CASTOR2: variants seen among roughly 807,000 people sequenced by gnomAD.
The protein encoded by CASTOR2 is GATS protein like 2.
In CASTOR2, 8 loss-of-function variants were observed where a neutral mutation model predicts 31.2. That is an observed-to-expected ratio of 0.26 (90% CI 0.15 to 0.46). CASTOR2 has a LOEUF of 0.46. Among genes scored for constraint, CASTOR2 ranks in the 20% least tolerant of loss-of-function variants. The pLI, the probability that CASTOR2 is intolerant of heterozygous loss-of-function variation, is 0.99. For synonymous variants in CASTOR2, 162 were observed against 158.7 expected (o/e 1.02, Z -0.16); for missense variants, 216 against 382.1 (o/e 0.57, Z 3.62).
intron 3 of CASTOR2, 44 bp downstream of exon 3, chr7:75,017,835 C>T: frequency 6.2e-7 from 1 of 1,613,966 alleles, no homozygotes; most frequent in East Asian, 2.2e-5. Flanking sequence ...TCATGCCCGC[C>T]TCTGACACAC....
At chr7:74,977,840 A>G (rs1803857665) in intron 1 of CASTOR2, among the ~76,000 whole-genome samples, 1 of 149,654 alleles carries the variant, frequency 6.7e-6, no homozygotes, top group Admixed American at 6.7e-5. Context: ...CACTACACCC[A>G]GATAATTTTT....
In CASTOR2 at chr7:75,017,839, GAC is replaced by G. The variant is rs1333150167; in HGVS notation, c.378+53_378+54del. 1.2e-4 allele frequency: 192 copies of G among 1,613,784 alleles called. 1 individual carries two copies. Among genetic ancestry groups the G allele is most frequent in the Middle Eastern group, 1.7e-4 (1 of 6,046 alleles). On this transcript the variant is annotated intron_variant, in intron 3 of 8. Transcript: ENST00000616305. ...GCCTTGCACACTCATGCCCGCCTCT[GAC>G]ACACTCACTCCCATCTCCCACCCCT...
chr7:75,014,635 G>A (rs1309827853), intron 2 of CASTOR2, among the ~76,000 whole-genome samples: 8 of 152,106 alleles, frequency 5.3e-5, no homozygotes, highest in Non-Finnish European at 8.8e-5. Context: ...TTCCCAGGCT[G>A]AGGCCGTGAG....
intron 1 of CASTOR2, among the ~76,000 whole-genome samples, chr7:75,003,779 G>A (rs1804549332): frequency 6.6e-6 from 1 of 151,762 alleles, no homozygotes; most frequent in South Asian, 2.1e-4. Context: ...CAACAACAAG[G>A]AGGTCAAGGA....
chr7:75,000,056 G>A (rs1320052699), intron 1 of CASTOR2, among the ~76,000 whole-genome samples: 3 of 152,122 alleles, frequency 2.0e-5, no homozygotes, highest in South Asian at 2.1e-4. Flanking sequence ...GCAAGACCCC[G>A]TCTCCACAAA....
At chr7:75,019,889 C>G (rs1450139618) in intron 5 of CASTOR2, 150 bp from the exon 6 acceptor site, 1 of 689,624 alleles carries the variant, frequency 1.5e-6, no homozygotes, top group African/African-American at 1.8e-5. Flanking sequence ...GAAATCATCC[C>G]CGTGGCATAG....
chr7:75,018,905 C>T lies in CASTOR2; in HGVS notation c.512-67C>T, dbSNP rs1236754594. 19 of 1,551,398 alleles carry T rather than the reference C, an allele frequency of 1.2e-5. No homozygotes were observed. The East Asian group carries it at 2.0e-4, about 16-fold the overall frequency. On this transcript the variant is annotated intron_variant, in intron 4 of 8. Coordinates refer to ENST00000616305, the MANE Select transcript of CASTOR2 (RefSeq NM_001145064.3). The stretch of plus-strand genomic sequence containing the variant: ...GCCCTCCCCAGCCCTCTTCCCAGGC[C>T]CTGCACCCACCAGAGCTGCTGCTTT...
intron 1 of CASTOR2, among the ~76,000 whole-genome samples, chr7:75,002,888 G>T (rs1804528065): frequency 6.6e-6 from 1 of 151,952 alleles, no homozygotes; most frequent in Admixed American, 6.6e-5. Context: ...AGGAGTTCAA[G>T]ACCCGCCTGG....
At chr7:74,983,327 TC>T (rs1412028314) in intron 1 of CASTOR2, among the ~76,000 whole-genome samples, 18 of 151,376 alleles carry the variant, frequency 1.2e-4, no homozygotes, top group African/African-American at 4.2e-4. Flanking sequence ...TCTTTCTTCT[TC>T]TTTTTTTTTT....
At position 75,018,078 on chromosome 7, in the gene CASTOR2, C is replaced by T. The variant is rs1804908578; in HGVS notation, c.467C>T (p.Ala156Val). Reference sequence around the variant, plus strand: ...GTCGTCAATGGCGAGACCGTGGCAGCCGAGAACCTCGGCATCACCAATGGC... The same window carrying T: ...GTCGTCAATGGCGAGACCGTGGCAGTCGAGAACCTCGGCATCACCAATGGC... ...LRVVNGETVA[A>V]ENLGITNGFV... The change falls in exon 4 of 9, where the codon GCC becomes GTC. Residue 156 changes from alanine to valine, a missense_variant. By Grantham distance (64) the Ala-to-Val change is moderately conservative. Transcript: ENST00000616305. 1 of 1,614,048 alleles carries T rather than the reference C, an allele frequency of 6.2e-7. No homozygotes were observed. Among genetic ancestry groups the T allele is most frequent in the Non-Finnish European group, 8.5e-7 (1 of 1,180,000 alleles).
chr7:74,984,834 G>C (rs1392814264), intron 1 of CASTOR2, among the ~76,000 whole-genome samples: 1 of 152,128 alleles, frequency 6.6e-6, no homozygotes, highest in Non-Finnish European at 1.5e-5. Context: ...GGACTCAGAA[G>C]TCTGATTTAA....
At chr7:75,007,644 C>T (rs1300106244) in intron 1 of CASTOR2, among the ~76,000 whole-genome samples, 9 of 152,090 alleles carry the variant, frequency 5.9e-5, no homozygotes, top group African/African-American at 1.9e-4. Context: ...AAAGACAGCT[C>T]CTCTGCCTGA....
chr7:75,011,936 C>T (rs1282236199), intron 2 of CASTOR2, among the ~76,000 whole-genome samples: 1 of 151,128 alleles, frequency 6.6e-6, no homozygotes, highest in Admixed American at 6.6e-5. Flanking sequence ...CATTGCACTC[C>T]AGCCTGGGGG....
rs958471806 is a variant in CASTOR2 at position 75,028,064 on chromosome 7, C to A, written c.*3365C>A. The A allele has an allele frequency of 2.0e-6, 3 of 1,531,696 alleles. No individual in the cohort carries two copies. The highest frequency in any genetic ancestry group is 2.6e-6 in the Non-Finnish European group (3 of 1,145,882). The allele number at this position is 1,531,696 out of a possible 1,614,324, so 94.9% of individuals were successfully genotyped here. On this transcript the variant is annotated 3_prime_UTR_variant, in exon 9 of 9. Coordinates refer to ENST00000616305, the MANE Select transcript of CASTOR2 (RefSeq NM_001145064.3). The stretch of plus-strand genomic sequence containing the variant: ...AGTGGGCCTGTTGTCTTGGCGCTGG[C>A]GGATGGGGCAGGTGCCTGGCGGGGG...
intron 2 of CASTOR2, 72 bp downstream of exon 2, chr7:75,008,136 T>C: frequency 2.0e-6 from 3 of 1,487,644 alleles, no homozygotes; most frequent in Non-Finnish European, 2.7e-6. Flanking sequence ...CACCTCCTTA[T>C]TTCTGTCCCC....
intron 3 of CASTOR2, 88 bp downstream of exon 3, chr7:75,017,879 C>G (rs587734342): frequency 6.2e-7 from 1 of 1,613,798 alleles, no homozygotes; most frequent in South Asian, 1.1e-5. Flanking sequence ...CAGCCTTGCC[C>G]TTCCACGCTA....
In CASTOR2 at chr7:75,017,965, C is replaced by A. The variant is rs1368764020; in HGVS notation, c.379-25C>A. The A allele has an allele frequency of 1.8e-5, 29 of 1,614,062 alleles. No homozygotes were observed. The African/African-American group carries it at 3.2e-4, about 18-fold the overall frequency. On this transcript the variant is annotated intron_variant, in intron 3 of 8. Coordinates refer to ENST00000616305, the MANE Select transcript of CASTOR2 (RefSeq NM_001145064.3). ...ACATCCCCCAGGGCCACCAGGCACA[C>A]ACGGCCTCAACTTCTTGCCCCTAGG...
chr7:75,015,272 T>C (rs1804840401), intron 2 of CASTOR2, among the ~76,000 whole-genome samples: 1 of 152,096 alleles, frequency 6.6e-6, no homozygotes, highest in South Asian at 2.1e-4. Flanking sequence ...TCTCCCTTTT[T>C]ATCGATTTAT....
At chr7:75,024,564 GC>G in intron 8 of CASTOR2, 30 bp downstream of exon 8, 1 of 1,551,568 alleles carries the variant, frequency 6.4e-7, no homozygotes, top group Non-Finnish European at 8.7e-7. Context: ...CCCCTCCAGG[GC>G]AGGGCCGGGG....
Sources: allele counts gnomAD v4.1 joint callset (sites outside exome capture counted in the v4.1 genomes callset), GRCh38; gene constraint gnomAD v4.1.1; transcripts MANE v1.5; gene names NCBI Gene and HGNC (gene_info 2026-07-23, HGNC 2026-07-21).